Variants in CCDC191 observed in about 807,000 individuals in gnomAD.
The protein encoded by CCDC191 is coiled-coil domain containing 191, also known as coiled-coil domain-containing protein 191.
CCDC191 carries 99 observed loss-of-function variants against 114.0 expected under a neutral mutation model. That is an observed-to-expected ratio of 0.87 (90% CI 0.74 to 1.03). The LOEUF (loss-of-function observed/expected upper bound fraction) is 1.03, where lower values mean the gene tolerates loss of function less well. CCDC191 is among the 50% of genes least tolerant of loss of function. The pLI, the probability that CCDC191 is intolerant of heterozygous loss-of-function variation, is 0.00. For synonymous variants in CCDC191, 351 were observed against 376.0 expected, an observed-to-expected ratio of 0.93 and a Z score of 0.77; for missense variants, 973 against 1,087.0, an observed-to-expected ratio of 0.90 and a Z score of 1.47.
intron 3 of CCDC191, 112 bp downstream of exon 3, chr3:114,046,479 G>C (rs1391246708): frequency 4.1e-6 from 3 of 739,662 alleles, no homozygotes; most frequent in Non-Finnish European, 7.2e-6. Context: ...GGAGTAGAAA[G>C]AAAGGGAAAT....
At chr3:113,993,842 G>A (rs911113430) in intron 13 of CCDC191, among the ~76,000 whole-genome samples, 1 of 152,060 alleles carries the variant, frequency 6.6e-6, no homozygotes, top group African/African-American at 2.4e-5. Flanking sequence ...CCGAGATCGT[G>A]CCACTGCACT....
At chr3:113,979,437 T>G (rs1264789524) in intron 14 of CCDC191, among the ~76,000 whole-genome samples, 1 of 152,238 alleles carries the variant, frequency 6.6e-6, no homozygotes, top group African/African-American at 2.4e-5. Flanking sequence ...ATTAGTGTTG[T>G]GGAATGAGCT....
chr3:114,028,275 A>ATTTTTTTTTTTTTT (rs920211150), intron 7 of CCDC191, among the ~76,000 whole-genome samples: 2 of 126,880 alleles, frequency 1.6e-5, no homozygotes, highest in Non-Finnish European at 3.3e-5. Flanking sequence ...AATTCTAAAA[A>ATTTTTTTTTTTTTT]TTTTTTTTTT....
chr3:114,003,217 T>C, intron 11 of CCDC191: 1 of 985,374 alleles, frequency 1.0e-6, no homozygotes, highest in Non-Finnish European at 1.2e-6. Context: ...ATAATATGAC[T>C]CTATAATCAG....
rs1298388224 is a variant in CCDC191, at chr3:114,036,594, T to C, written c.594+14A>G. 1 of 1,561,130 alleles carries C rather than the reference T, an allele frequency of 6.4e-7. No individual in the cohort carries two copies. The highest frequency in any genetic ancestry group is 8.7e-7 in the Non-Finnish European group (1 of 1,153,710). ...CTTCCTGTTATCCATTTTAATTTTGTTTTTCCCTCCCACCTGCTTATGTCT... is the reference window on the plus strand; with the variant it reads ...CTTCCTGTTATCCATTTTAATTTTGCTTTTCCCTCCCACCTGCTTATGTCT... On this transcript the variant is annotated intron_variant, in intron 5 of 16. Transcript: ENST00000295878.
intron 2 of CCDC191, among the ~76,000 whole-genome samples, chr3:114,047,447 A>C (rs184102918): frequency 9.9e-5 from 15 of 152,196 alleles, no homozygotes; most frequent in East Asian, 3.9e-4. Context: ...GGACTGCCTA[A>C]GCTCAGGAGT....
chr3:114,031,539 C>T (rs1261489143), intron 7 of CCDC191, 87 bp downstream of exon 7: 3 of 1,150,394 alleles, frequency 2.6e-6, no homozygotes, highest in East Asian at 2.4e-5. Flanking sequence ...TTCAACTGGA[C>T]TTAGTTTTTA....
At chr3:114,017,652 A>T in intron 8 of CCDC191, among the ~76,000 whole-genome samples, 1 of 152,146 alleles carries the variant, frequency 6.6e-6, no homozygotes, top group Non-Finnish European at 1.5e-5. Flanking sequence ...TAAAAACATG[A>T]ATTTCTCCCC....
intron 7 of CCDC191, among the ~76,000 whole-genome samples, chr3:114,026,899 T>C (rs1202348306): frequency 6.6e-6 from 1 of 152,206 alleles, no homozygotes; most frequent in African/African-American, 2.4e-5. Context: ...CACCCATATT[T>C]TATCTTTCTC....
chr3:114,023,944 T>C (rs1207627218), intron 7 of CCDC191, among the ~76,000 whole-genome samples: 1 of 152,032 alleles, frequency 6.6e-6, no homozygotes, highest in Non-Finnish European at 1.5e-5. Context: ...AGAAAATTTT[T>C]GCAATCTACT....
intron 2 of CCDC191, among the ~76,000 whole-genome samples, chr3:114,052,749 A>C (rs2076712965): frequency 6.6e-6 from 1 of 152,200 alleles, no homozygotes; most frequent in African/African-American, 2.4e-5. Flanking sequence ...TGAATAAATA[A>C]ATGCTTAAAA....
At chr3:113,969,413 A>C (rs995649452) in intron 16 of CCDC191, among the ~76,000 whole-genome samples, 5 of 152,146 alleles carry the variant, frequency 3.3e-5, no homozygotes, top group Non-Finnish European at 5.9e-5. Context: ...TTACACAAAA[A>C]ATCTTTGGCC....
chr3:114,028,609 T>C (rs977308824), intron 7 of CCDC191, among the ~76,000 whole-genome samples: 1 of 151,968 alleles, frequency 6.6e-6, no homozygotes, highest in African/African-American at 2.4e-5. Context: ...TATAGTGTAC[T>C]AGGATTACCC....
rs1218021948 is a variant in CCDC191, at chr3:114,005,781, C to G, written c.1595G>C (p.Gly532Ala). 1.9e-6 allele frequency: 3 copies of G among 1,613,918 alleles called. No individual in the cohort carries two copies. Among genetic ancestry groups the G allele is most frequent in the East Asian group, 2.2e-5 (1 of 44,872 alleles). Residue 532 changes from glycine (G) to alanine (A), a missense_variant, in exon 10 of 17, where the codon GGC becomes GCC. Physicochemically the swap from Gly to Ala is moderately conservative, Grantham distance 60 (BLOSUM62 0). Coordinates refer to ENST00000295878, the MANE Select transcript of CCDC191 (RefSeq NM_020817.2). ...TLGAEPSQQP[G>A]SNETLRTTSQ... ...GGTAGTTCTGAGTGTCTCGTTGCTG[C>G]CAGGCTGTTGAGAGGGTTCAGCACC...
chr3:114,028,215 G>A (rs543813865), intron 7 of CCDC191, among the ~76,000 whole-genome samples: 6 of 150,566 alleles, frequency 4.0e-5, no homozygotes, highest in East Asian at 1.9e-4. Flanking sequence ...AAAAATAACC[G>A]TACAATATTT....
At chr3:114,012,968 G>A (rs2076096491) in intron 8 of CCDC191, among the ~76,000 whole-genome samples, 1 of 152,228 alleles carries the variant, frequency 6.6e-6, no homozygotes, top group South Asian at 2.1e-4. Context: ...AAATGTAGTT[G>A]GCCAGGCGCA....
intron 4 of CCDC191, among the ~76,000 whole-genome samples, chr3:114,040,388 T>C (rs573907930): frequency 7.1e-4 from 108 of 152,352 alleles, no homozygotes; most frequent in African/African-American, 2.5e-3. Flanking sequence ...TTCAATTTTG[T>C]CAATTTTTGC....
intron 13 of CCDC191, among the ~76,000 whole-genome samples, chr3:113,995,300 C>T (rs536362552): frequency 4.9e-4 from 74 of 152,074 alleles, no homozygotes; most frequent in Non-Finnish European, 9.1e-4. Flanking sequence ...ATTTATACCC[C>T]CTAAATCTAT....
Position 113,978,900 on chromosome 3 carries a change from A to G in CCDC191, c.2418T>C (p.Tyr806=), listed in dbSNP as rs1559876236. 6.2e-7 allele frequency: 1 copy of G among 1,613,952 alleles called. No homozygotes were observed. Among genetic ancestry groups the G allele is most frequent in the Non-Finnish European group, 8.5e-7 (1 of 1,179,974 alleles). ...TGACTCTCTTAAGCAGTATTTGGGA[A>G]TAAAATTGATCAGCCTGGGCCATCT... ...ARKMAQADQF[Y]SQILLKRVIQ... is the part of the protein sequence containing the mutation. The change falls in exon 15 of 17, where the codon TAT becomes TAC. Residue 806 remains tyrosine (Y), a synonymous_variant. Transcript: ENST00000295878.
Sources: allele counts gnomAD v4.1 joint callset (sites outside exome capture counted in the v4.1 genomes callset), GRCh38; gene constraint gnomAD v4.1.1; transcripts MANE v1.5; gene names NCBI Gene and HGNC (gene_info 2026-07-23, HGNC 2026-07-21).